Variants in RTCB observed in about 807,000 individuals in gnomAD.
The protein encoded by RTCB is RNA-splicing ligase RTCB.
Under a neutral mutation model 58.2 loss-of-function variants are expected in RTCB, and 32 were observed. The ratio of observed to expected loss-of-function variants is 0.55; its 90% CI spans 0.41 to 0.74. The LOEUF (loss-of-function observed/expected upper bound fraction) is 0.74. RTCB is among the 30% of genes least tolerant of loss of function. The pLI, the probability that RTCB is intolerant of heterozygous loss-of-function variation, is 0.00. For missense variants in RTCB, 523 were observed against 639.0 expected (o/e 0.82, Z 1.96); for synonymous variants, 247 against 218.6 (o/e 1.13, Z -1.15).
intron 1 of RTCB, among the ~76,000 whole-genome samples, chr22:32,411,557 G>A (rs1196297968): frequency 3.9e-5 from 6 of 152,166 alleles, no homozygotes; most frequent in African/African-American, 1.4e-4. Flanking sequence ...CTGCGCTACT[G>A]CAAGAAATGA....
intron 1 of RTCB, among the ~76,000 whole-genome samples, chr22:32,409,928 C>G (rs1933491289): frequency 6.6e-6 from 1 of 151,900 alleles, no homozygotes; most frequent in Admixed American, 6.6e-5. Context: ...CGCCATTCTC[C>G]TGCCTCAGCC....
intron 7 of RTCB, among the ~76,000 whole-genome samples, chr22:32,396,627 G>C (rs1933250609): frequency 6.6e-6 from 1 of 152,182 alleles, no homozygotes; most frequent in Admixed American, 6.5e-5. Context: ...ATGACAAAAT[G>C]CAGAGAAGTA....
intron 3 of RTCB, chr22:32,407,832 G>T: frequency 4.8e-6 from 1 of 207,676 alleles, no homozygotes. Context: ...GCGTGATCAT[G>T]GCTCAGTGCA....
intron 5 of RTCB, among the ~76,000 whole-genome samples, chr22:32,400,344 G>A (rs1933315986): frequency 6.6e-6 from 1 of 152,196 alleles, no homozygotes; most frequent in African/African-American, 2.4e-5. Flanking sequence ...ACCCTTAGAG[G>A]GTACAAGCTT....
At chr22:32,409,244 T>C (rs761414391) in intron 1 of RTCB, among the ~76,000 whole-genome samples, 2 of 151,868 alleles carry the variant, frequency 1.3e-5, no homozygotes, top group African/African-American at 4.8e-5. Context: ...ATTCTAAACA[T>C]AAAACGTAGT....
Position 32,408,807 on chromosome 22 carries a change from A to T in RTCB, c.120T>A (p.Asp40Glu). 1 of 1,614,024 alleles carries T rather than the reference A, an allele frequency of 6.2e-7. No individual in the cohort carries two copies. The highest frequency in any genetic ancestry group is 8.5e-7 in the Non-Finnish European group (1 of 1,179,858). ...CCTCAAACATCAATTTCTCCAGAGC[A>T]TCATTCACATAGAAAACACCTTCAA... is the stretch of plus-strand genomic sequence containing the variant. ...MQVEGVFYVN[D>E]ALEKLMFEEL... is the part of the protein sequence containing the mutation. Residue 40 changes from aspartate (D) to glutamate (E), a missense_variant, in exon 2 of 12, where the codon GAT (aspartate) becomes GAA (glutamate). Asp to Glu is a conservative substitution (Grantham distance 45, BLOSUM62 2). Coordinates refer to ENST00000216038, the MANE Select transcript of RTCB (RefSeq NM_014306.5).
At chr22:32,401,924 A>T (rs1243843333) in intron 4 of RTCB, 21 bp from the exon 5 acceptor site, 1 of 1,611,398 alleles carries the variant, frequency 6.2e-7, no homozygotes, top group East Asian at 2.2e-5. Flanking sequence ...GAGAAAAGTT[A>T]GCAAAACCAG....
intron 11 of RTCB, 97 bp downstream of exon 11, chr22:32,392,143 T>C: frequency 2.3e-6 from 3 of 1,308,056 alleles, no homozygotes; most frequent in Non-Finnish European, 3.1e-6. Flanking sequence ...CCAAACAATT[T>C]CTGTTAGTAA....
rs150478601 is a variant in RTCB, at chr22:32,396,484, G to A, written c.815-235C>T. On this transcript the variant is annotated intron_variant, in intron 7 of 11. Transcript: ENST00000216038. ...ACACAAAGTCAACATTTGCCCTCTAGGAACTTGAAAGAGAATGGGATGTGT... is the reference window on the plus strand; with the variant it reads ...ACACAAAGTCAACATTTGCCCTCTAAGAACTTGAAAGAGAATGGGATGTGT... 5.3e-5 allele frequency among the ~76,000 whole-genome samples: 8 copies of A among 152,360 alleles called. No individual in the cohort carries two copies. In the East Asian group the frequency reaches 1.5e-3, roughly 29 times the overall value.
chr22:32,397,136 CCT>C (rs762768687), intron 7 of RTCB, among the ~76,000 whole-genome samples: 4 of 151,050 alleles, frequency 2.6e-5, no homozygotes, highest in African/African-American at 5.0e-5. Flanking sequence ...GCAAGAAGCC[CCT>C]GACTCCTTCT....
intron 7 of RTCB, among the ~76,000 whole-genome samples, 168 bp downstream of exon 7, chr22:32,397,773 T>C (rs775270680): frequency 1.6e-4 from 24 of 152,376 alleles, no homozygotes; most frequent in Middle Eastern, 3.4e-3. Context: ...ATAACTATTA[T>C]ACTCATTTTT....
In RTCB at chr22:32,387,973, A is replaced by G; in HGVS notation, c.*19T>C. The stretch of plus-strand genomic sequence containing the variant: ...TCAGAGAGGGTTGGTGGTGTCAGGC[A>G]GCCCTGCTGTCCAAGGTTCTATCCT... On this transcript the variant is annotated 3_prime_UTR_variant, in exon 12 of 12. Transcript: ENST00000216038. 1 of 1,513,212 alleles carries G rather than the reference A, an allele frequency of 6.6e-7. No individual in the cohort carries two copies. 93.7% of individuals were successfully genotyped at this position (1,513,212 alleles called of 1,614,324 possible).
chr22:32,393,400 G>A (rs1444765891), intron 10 of RTCB, among the ~76,000 whole-genome samples: 3 of 152,124 alleles, frequency 2.0e-5, no homozygotes, highest in South Asian at 2.1e-4. Context: ...CTGACCCCTG[G>A]GCTTAGAAGA....
intron 4 of RTCB, among the ~76,000 whole-genome samples, chr22:32,402,192 C>G (rs1287395536): frequency 6.6e-6 from 1 of 152,136 alleles, no homozygotes; most frequent in Admixed American, 6.5e-5. Flanking sequence ...CCACTGTTTT[C>G]ACAGGTTCAT....
Position 32,412,076 on chromosome 22 carries a change from CA to C in RTCB, c.80del (p.Val27GlyfsTer12). The C allele has an allele frequency of 6.2e-7, 1 of 1,607,426 alleles. No individual in the cohort carries two copies. Among genetic ancestry groups the C allele is most frequent in the Non-Finnish European group, 8.5e-7 (1 of 1,178,622 alleles). On this transcript the variant is annotated frameshift_variant, in exon 1 of 12. Coordinates refer to ENST00000216038, the MANE Select transcript of RTCB (RefSeq NM_014306.5). LOFTEE classifies it high-confidence loss of function. The stretch of plus-strand genomic sequence containing the variant: ...TCTCCTGCCTTACCTGCATGTTGGG[CA>C]CGAAGCCCTTCTTGATCCTCCAGCA... Reference protein sequence around the residue: ...KNCWRIKKGFVPNMQVEGVFY... With the variant: ...KNCWRIKKGFXPNMQVEGVFY...
intron 1 of RTCB, among the ~76,000 whole-genome samples, chr22:32,410,632 A>G (rs1397661857): frequency 1.3e-5 from 2 of 152,200 alleles, no homozygotes; most frequent in Non-Finnish European, 2.9e-5. Flanking sequence ...TGTGTGCATC[A>G]AAGGCTGAGT....
In RTCB at chr22:32,392,363, G is replaced by T. The variant is rs1933166960; in HGVS notation, c.1291-4C>A. Reference sequence around the variant, plus strand: ...TTGCTCGGGACAATGCACGGCCCTAGAATGGGAAAGGAATGAACTTTACTT... The same window carrying T: ...TTGCTCGGGACAATGCACGGCCCTATAATGGGAAAGGAATGAACTTTACTT... On this transcript the variant is annotated splice_polypyrimidine_tract_variant and splice_region_variant and intron_variant, in intron 10 of 11. Transcript: ENST00000216038. The T allele has an allele frequency of 6.2e-7, 1 of 1,613,614 alleles. No individual in the cohort carries two copies. The highest frequency in any genetic ancestry group is 2.2e-5 in the East Asian group (1 of 44,874).
At position 32,387,963 on chromosome 22, in the gene RTCB, G is replaced by T; in HGVS notation, c.*29C>A. On this transcript the variant is annotated 3_prime_UTR_variant, in exon 12 of 12. Transcript: ENST00000216038. ...CACTTCCACTTCAGAGAGGGTTGGT[G>T]GTGTCAGGCAGCCCTGCTGTCCAAG... 7.2e-7 allele frequency: 1 copy of T among 1,384,958 alleles called. No homozygotes were observed. Among genetic ancestry groups the T allele is most frequent in the Non-Finnish European group, 1.0e-6 (1 of 971,882 alleles). 85.8% of individuals were successfully genotyped at this position (1,384,958 alleles called of 1,614,324 possible).
rs981816190 is a variant in RTCB, at chr22:32,395,949, C to T, written c.990+125G>A. 9.5e-5 allele frequency: 82 copies of T among 860,732 alleles called. 1 individual carries two copies. The highest frequency in any genetic ancestry group is 9.1e-4 in the South Asian group (54 of 59,144). The allele number at this position is 860,732 out of a possible 1,614,324, so 53.3% of individuals were successfully genotyped here. ...CTCCTAACCTTGTGATCCGCCCCCC[C>T]TCGGCCTCCCAAAGTGTTGGGATTA... On this transcript the variant is annotated intron_variant, in intron 8 of 11. Transcript: ENST00000216038.
Sources: gnomAD v4.1 joint callset for allele counts (sites outside exome capture counted in the v4.1 genomes callset) on GRCh38, gnomAD v4.1.1 for gene constraint, MANE v1.5 for transcripts, NCBI Gene and HGNC (gene_info 2026-07-23, HGNC 2026-07-21) for gene names.